PARM1: variants seen among roughly 807,000 people sequenced by gnomAD.
The protein encoded by PARM1 is WSC4, cell wall integrity and stress response component 4 homolog.
PARM1 carries 14 observed loss-of-function variants against 24.6 expected under a neutral mutation model. That is an observed-to-expected ratio of 0.57 (90% CI 0.38 to 0.89). The LOEUF (loss-of-function observed/expected upper bound fraction) is 0.89, where lower values mean the gene tolerates loss of function less well. Among genes scored for constraint, PARM1 ranks in the 40% least tolerant of loss-of-function variants. The pLI is 0.00. For synonymous variants in PARM1, 179 were observed against 156.6 expected, an observed-to-expected ratio of 1.14 and a Z score of -1.07; for missense variants, 362 against 380.4, an observed-to-expected ratio of 0.95 and a Z score of 0.40.
At chr4:74,959,369 G>C (rs1721714915) in intron 1 of PARM1, among the ~76,000 whole-genome samples, 1 of 152,116 alleles carries the variant, frequency 6.6e-6, no homozygotes. Flanking sequence ...GGCATCCTAA[G>C]CAAAGTTCTT....
intron 2 of PARM1, among the ~76,000 whole-genome samples, chr4:75,017,684 GT>G (rs1196583154): frequency 6.6e-6 from 1 of 152,202 alleles, no homozygotes; most frequent in Non-Finnish European, 1.5e-5. Context: ...GTCAGTGTCT[GT>G]TTTCATGCCA....
intron 1 of PARM1, among the ~76,000 whole-genome samples, chr4:74,981,647 C>T (rs532895616): frequency 1.1e-3 from 169 of 152,084 alleles, no homozygotes; most frequent in African/African-American, 4.0e-3. Context: ...GAGACCGAGG[C>T]GAGTGGATCA....
intron 2 of PARM1, among the ~76,000 whole-genome samples, chr4:75,033,228 A>G (rs1723304327): frequency 6.6e-6 from 1 of 152,234 alleles, no homozygotes; most frequent in Non-Finnish European, 1.5e-5. Flanking sequence ...CTATATATCA[A>G]ACTTCACTTT....
chr4:74,973,021 T>C (rs537520208), intron 1 of PARM1, among the ~76,000 whole-genome samples: 29 of 152,288 alleles, frequency 1.9e-4, no homozygotes, highest in African/African-American at 6.5e-4. Flanking sequence ...TTACACATAA[T>C]GAGTCAATCA....
intron 1 of PARM1, chr4:74,956,843 A>G (rs1216600888): frequency 6.6e-6 from 1 of 152,264 alleles, no homozygotes; most frequent in Non-Finnish European, 1.5e-5. Flanking sequence ...TGGGAGATGC[A>G]TGATTTATAT....
chr4:74,994,938 T>C (rs1722549480), intron 1 of PARM1, among the ~76,000 whole-genome samples: 2 of 152,288 alleles, frequency 1.3e-5, no homozygotes, highest in Admixed American at 6.5e-5. Flanking sequence ...TAAGGGCTGT[T>C]GTTTCCTGGC....
At chr4:74,934,996 C>CTTTTTTTTTTTTTTTTTTTTTT (rs11392364) in intron 1 of PARM1, among the ~76,000 whole-genome samples, 1 of 116,558 alleles carries the variant, frequency 8.6e-6, no homozygotes, top group Non-Finnish European at 1.7e-5. Context: ...GCTCTTTTTT[C>CTTTTTTTTTTTTTTTTTTTTTT]TTTTTTTTTT....
At chr4:75,017,473 G>T (rs7654416) in intron 2 of PARM1, among the ~76,000 whole-genome samples, 15,613 of 151,982 alleles carry the variant, frequency 0.1, 1,044 homozygotes, top group African/African-American at 0.19. Flanking sequence ...ATCTTCAATG[G>T]CTCCCTCCTT....
intron 1 of PARM1, among the ~76,000 whole-genome samples, chr4:74,983,404 G>C (rs1048688002): frequency 3.3e-5 from 5 of 152,184 alleles, no homozygotes; most frequent in Admixed American, 2.6e-4. Context: ...ATCTGTGGAT[G>C]ACTCAAGGTC....
At chr4:74,965,081 C>T (rs1211470180) in intron 1 of PARM1, 1 of 152,158 alleles carries the variant, frequency 6.6e-6, no homozygotes, top group East Asian at 1.9e-4. Context: ...CATTCCACCC[C>T]CTAGATTCCA....
chr4:74,991,831 C>T (rs563362717), intron 1 of PARM1, among the ~76,000 whole-genome samples: 1 of 152,148 alleles, frequency 6.6e-6, no homozygotes. Flanking sequence ...AAGTAACTTA[C>T]ACATGTCCCA....
In PARM1 at chr4:75,034,411, A is replaced by T. The variant is rs563844319; in HGVS notation, c.848+450A>T. 2.6e-4 allele frequency among the ~76,000 whole-genome samples: 40 copies of T among 152,346 alleles called. 1 individual carries two copies. Among genetic ancestry groups the T allele is most frequent in the Admixed American group, 2.5e-3 (38 of 15,308 alleles). On this transcript the variant is annotated intron_variant, in intron 3 of 3. Transcript: ENST00000307428. ...CAATCTGTTAATGAGGTTTTCATTG[A>T]TTCCAATGCAAAATGTAAAAAATAT...
chr4:75,003,872 T>G (rs984662849), intron 1 of PARM1, among the ~76,000 whole-genome samples: 1 of 152,082 alleles, frequency 6.6e-6, no homozygotes, highest in African/African-American at 2.4e-5. Flanking sequence ...TAATTATCAT[T>G]TTAACATTCT....
chr4:74,955,244 A>C (rs78869036), intron 1 of PARM1, among the ~76,000 whole-genome samples: 1 of 151,800 alleles, frequency 6.6e-6, no homozygotes, highest in East Asian at 1.9e-4. Context: ...AAAAAAAAAA[A>C]CTCATTAAAG....
chr4:75,013,162 T>C lies in PARM1; in HGVS notation c.769+12T>C. The C allele has an allele frequency of 6.2e-7, 1 of 1,601,906 alleles. No individual in the cohort carries two copies. The highest frequency in any genetic ancestry group is 8.5e-7 in the Non-Finnish European group (1 of 1,173,806). ...TGCATTAAGTTCAGGTGAGTCTCTA[T>C]CCAGTCCACTAGTTTTCTTTACTAC... On this transcript the variant is annotated intron_variant, in intron 2 of 3. Transcript: ENST00000307428.
chr4:75,023,042 G>A (rs2051824729), intron 2 of PARM1, among the ~76,000 whole-genome samples: 1 of 152,266 alleles, frequency 6.6e-6, no homozygotes, highest in South Asian at 2.1e-4. Context: ...CCTTCAAGGG[G>A]TAGACCAGAG....
intron 2 of PARM1, among the ~76,000 whole-genome samples, chr4:75,015,583 T>C (rs1722969766): frequency 6.6e-6 from 1 of 152,168 alleles, no homozygotes; most frequent in Admixed American, 6.5e-5. Flanking sequence ...GATTTTATAG[T>C]TTAAGTAGAG....
intron 1 of PARM1, among the ~76,000 whole-genome samples, chr4:74,963,572 G>T (rs1291468615): frequency 6.6e-6 from 1 of 152,124 alleles, no homozygotes; most frequent in Non-Finnish European, 1.5e-5. Flanking sequence ...CATATTATAG[G>T]ATTTCATTTA....
At position 74,970,603 on chromosome 4, in the gene PARM1, T is replaced by C. The variant is rs1722010354; in HGVS notation, c.43+37233T>C. Among the ~76,000 whole-genome samples the C allele has an allele frequency of 3.3e-5, 5 of 152,338 alleles. No homozygotes were observed. The South Asian group carries it at 1.0e-3, about 32-fold the overall frequency. On this transcript the variant is annotated intron_variant, in intron 1 of 3. Coordinates refer to ENST00000307428, the MANE Select transcript of PARM1 (RefSeq NM_015393.4). ...ATCTAATCTAACTGTGATAAATAGCTATTCAATTGCCTGGCACATGGATTG... is the reference window on the plus strand; with the variant it reads ...ATCTAATCTAACTGTGATAAATAGCCATTCAATTGCCTGGCACATGGATTG...
Sources: gnomAD v4.1 joint callset for allele counts (sites outside exome capture counted in the v4.1 genomes callset) on GRCh38, gnomAD v4.1.1 for gene constraint, MANE v1.5 for transcripts, NCBI Gene and HGNC (gene_info 2026-07-23, HGNC 2026-07-21) for gene names.